OSBPL10: variants seen among roughly 807,000 people sequenced by gnomAD.
The protein encoded by OSBPL10 is oxysterol-binding protein-related protein 10.
A neutral mutation model predicts 81.7 loss-of-function variants in OSBPL10; 49 were observed. The ratio of observed to expected loss-of-function variants is 0.60; its 90% CI spans 0.48 to 0.76. The LOEUF (loss-of-function observed/expected upper bound fraction) is 0.76, where lower values mean the gene tolerates loss of function less well. Among genes scored for constraint, OSBPL10 ranks in the 30% least tolerant of loss-of-function variants. The probability of loss-of-function intolerance (pLI) is 0.00; values close to 1 mark genes in which losing one functional copy is unlikely to be tolerated. For synonymous variants in OSBPL10, 419 were observed against 383.6 expected (o/e 1.09, Z -1.08); for missense variants, 923 against 987.8 (o/e 0.93, Z 0.88).
chr3:31,756,664 C>T (rs892569931), intron 4 of OSBPL10, among the ~76,000 whole-genome samples: 2 of 152,126 alleles, frequency 1.3e-5, no homozygotes, highest in Non-Finnish European at 2.9e-5. Context: ...TTCAAAATAA[C>T]CCAATGGGGG....
At chr3:31,710,013 AT>A (rs1334304971) in intron 6 of OSBPL10, among the ~76,000 whole-genome samples, 1 of 152,218 alleles carries the variant, frequency 6.6e-6, no homozygotes, top group Non-Finnish European at 1.5e-5. Context: ...GCTCATGAGT[AT>A]TTGGGATAAA....
intron 8 of OSBPL10, among the ~76,000 whole-genome samples, chr3:31,680,630 G>C (rs1052296265): frequency 1.3e-5 from 2 of 152,182 alleles, no homozygotes; most frequent in Admixed American, 6.5e-5. Context: ...ACTTGTATAG[G>C]GAAGTCCCTC....
chr3:31,884,559 G>C (rs759655592), intron 1 of OSBPL10, among the ~76,000 whole-genome samples: 6 of 152,208 alleles, frequency 3.9e-5, no homozygotes, highest in Non-Finnish European at 7.3e-5. Flanking sequence ...TCCCTGGTAG[G>C]AAAGAAATTA....
At chr3:31,744,379 A>G (rs983758084) in intron 5 of OSBPL10, among the ~76,000 whole-genome samples, 1 of 152,032 alleles carries the variant, frequency 6.6e-6, no homozygotes, top group Non-Finnish European at 1.5e-5. Context: ...GGTCCTTACT[A>G]AAAATACAAA....
intron 1 of OSBPL10, among the ~76,000 whole-genome samples, chr3:31,882,765 G>GCTGAGCAACACCCA (rs752943969): frequency 9.5e-4 from 145 of 152,290 alleles, no homozygotes; most frequent in Non-Finnish European, 1.6e-3. Flanking sequence ...AGCATCACCT[G>GCTGAGCAACACCCA]CTGAGCAACA....
intron 4 of OSBPL10, among the ~76,000 whole-genome samples, chr3:31,811,300 G>T (rs964384189): frequency 2.0e-5 from 3 of 152,196 alleles, no homozygotes; most frequent in African/African-American, 7.2e-5. Flanking sequence ...TGGGAAGGGC[G>T]GGGCCCTTTG....
rs116076513 is a variant in OSBPL10, at chr3:31,844,320, A to G, written c.538-14089T>C. Among the ~76,000 whole-genome samples the G allele has an allele frequency of 3.6e-3, 548 of 152,358 alleles. 5 individuals carry two copies. The highest frequency in any genetic ancestry group is 5.6e-3 in the Non-Finnish European group (379 of 68,038). ...AGGAATAAGATTAATGCCTTATACA[A>G]AAGAATTAAAAACAGACTCAAATAC... On this transcript the variant is annotated intron_variant, in intron 3 of 11. Transcript: ENST00000396556.
At chr3:31,885,290 C>T (rs1695701120) in intron 1 of OSBPL10, among the ~76,000 whole-genome samples, 1 of 152,162 alleles carries the variant, frequency 6.6e-6, no homozygotes, top group African/African-American at 2.4e-5. Context: ...CACATGTTCA[C>T]ACTCACATAC....
Position 31,923,237 on chromosome 3 carries a change from C to T in OSBPL10, c.282-43407G>A, listed in dbSNP as rs551813966. 2.1e-4 allele frequency among the ~76,000 whole-genome samples: 32 copies of T among 152,262 alleles called. No individual in the cohort carries two copies. In the East Asian group the frequency reaches 6.2e-3, roughly 29 times the overall value. ...GGAGGAAAGGGGTGGGGAGCTAAAC[C>T]ACCAATTTGGTTAATTAACATTGTC... is the stretch of plus-strand genomic sequence containing the variant. On this transcript the variant is annotated intron_variant, in intron 1 of 11. Coordinates refer to ENST00000396556, the MANE Select transcript of OSBPL10 (RefSeq NM_017784.5).
intron 8 of OSBPL10, among the ~76,000 whole-genome samples, chr3:31,677,049 C>T (rs570908690): frequency 1.3e-5 from 2 of 152,162 alleles, no homozygotes; most frequent in African/African-American, 4.8e-5. Context: ...GATGAGCCCA[C>T]GTATTTACGT....
intron 6 of OSBPL10, among the ~76,000 whole-genome samples, chr3:31,730,031 T>C (rs916075128): frequency 6.6e-6 from 1 of 151,980 alleles, no homozygotes. Context: ...ATCTCTCCAA[T>C]CGAGAAAGTG....
intron 1 of OSBPL10, among the ~76,000 whole-genome samples, chr3:31,910,921 C>T (rs940938270): frequency 2.0e-5 from 3 of 152,194 alleles, no homozygotes; most frequent in African/African-American, 7.2e-5. Context: ...TTATGTAACC[C>T]AGCAGGCTGT....
At chr3:31,711,485 C>A (rs530449188) in intron 6 of OSBPL10, among the ~76,000 whole-genome samples, 28 of 152,284 alleles carry the variant, frequency 1.8e-4, no homozygotes, top group African/African-American at 6.5e-4. Flanking sequence ...AGAATTCCAA[C>A]ACAAAGGGTG....
At chr3:32,076,809 A>T (rs1699881084) in intron 1 of OSBPL10, among the ~76,000 whole-genome samples, 1 of 152,090 alleles carries the variant, frequency 6.6e-6, no homozygotes, top group Non-Finnish European at 1.5e-5. Context: ...ACAGGGAGCC[A>T]AGCTGTCCTC....
At chr3:31,939,632 G>C (rs540165941) in intron 1 of OSBPL10, among the ~76,000 whole-genome samples, 15 of 151,998 alleles carry the variant, frequency 9.9e-5, no homozygotes, top group African/African-American at 3.6e-4. Context: ...ACACCAGCAT[G>C]GCCATAGTGA....
chr3:31,678,769 TCA>T (rs1483945351), intron 8 of OSBPL10, among the ~76,000 whole-genome samples: 15 of 145,958 alleles, frequency 1.0e-4, no homozygotes, highest in Non-Finnish European at 1.5e-4. Context: ...CTCTGACTAA[TCA>T]CAGATTCAAA....
At chr3:31,843,877 G>T (rs191846107) in intron 3 of OSBPL10, among the ~76,000 whole-genome samples, 49 of 152,282 alleles carry the variant, frequency 3.2e-4, no homozygotes, top group African/African-American at 1.1e-3. Context: ...CACAGTCACT[G>T]GTGGCCCTGG....
At chr3:31,673,941 C>G (rs1700389837) in intron 8 of OSBPL10, among the ~76,000 whole-genome samples, 1 of 151,868 alleles carries the variant, frequency 6.6e-6, no homozygotes, top group Non-Finnish European at 1.5e-5. Flanking sequence ...CCACCATACC[C>G]AACTAATTGA....
intron 3 of OSBPL10, among the ~76,000 whole-genome samples, chr3:31,834,452 G>C (rs963783993): frequency 6.6e-6 from 1 of 152,230 alleles, no homozygotes. Context: ...CTGATGATGC[G>C]GGACAGCAAA....
Sources: gnomAD v4.1 joint callset for allele counts (sites outside exome capture counted in the v4.1 genomes callset) on GRCh38, gnomAD v4.1.1 for gene constraint, MANE v1.5 for transcripts, NCBI Gene and HGNC (gene_info 2026-07-23, HGNC 2026-07-21) for gene names.